Variants in PPP3CB observed in about 807,000 individuals in gnomAD.
PPP3CB encodes the protein protein phosphatase 3 catalytic subunit beta, also known as serine/threonine-protein phosphatase 2B catalytic subunit beta isoform.
A neutral mutation model predicts 66.4 loss-of-function variants in PPP3CB; 8 were observed. The ratio of observed to expected loss-of-function variants is 0.12; its 90% CI spans 0.07 to 0.22. The LOEUF is 0.22. Ranked by LOEUF, PPP3CB falls within the 10% of genes least tolerant of loss-of-function variation. The pLI, the probability that PPP3CB is intolerant of heterozygous loss-of-function variation, is 1.00. For missense variants in PPP3CB, 319 were observed against 642.5 expected (o/e 0.50, Z 5.44); for synonymous variants, 208 against 221.2 (o/e 0.94, Z 0.53).
At chr10:73,450,125 C>T (rs1391526709) in intron 10 of PPP3CB, among the ~76,000 whole-genome samples, 1 of 152,176 alleles carries the variant, frequency 6.6e-6, no homozygotes, top group Admixed American at 6.5e-5. Flanking sequence ...ACAAAAATTA[C>T]TTCTTCCTTC....
intron 10 of PPP3CB, among the ~76,000 whole-genome samples, chr10:73,452,178 A>G (rs879551280): frequency 2.0e-5 from 3 of 152,222 alleles, no homozygotes; most frequent in Non-Finnish European, 1.5e-5. Context: ...TCTAAAAAAA[A>G]GTAGGCTATG....
chr10:73,439,909 G>A lies in PPP3CB; in HGVS notation c.1367-8C>T, dbSNP rs1298348444. On this transcript the variant is annotated splice_polypyrimidine_tract_variant and splice_region_variant and intron_variant, in intron 12 of 13. Coordinates refer to ENST00000360663, the MANE Select transcript of PPP3CB (RefSeq NM_021132.4). ...CAATAGCCTCAACTGTGGCTGTACAGAAGTGAGCAGAGGCATGCAAAATGA... is the reference window on the plus strand; with the variant it reads ...CAATAGCCTCAACTGTGGCTGTACAAAAGTGAGCAGAGGCATGCAAAATGA... 1 of 1,613,042 alleles carries A rather than the reference G, an allele frequency of 6.2e-7. No homozygotes were observed. Among genetic ancestry groups the A allele is most frequent in the Non-Finnish European group, 8.5e-7 (1 of 1,179,104 alleles).
chr10:73,472,340 C>T (rs2056715071), intron 4 of PPP3CB, among the ~76,000 whole-genome samples: 1 of 151,910 alleles, frequency 6.6e-6, no homozygotes, highest in Non-Finnish European at 1.5e-5. Flanking sequence ...ACTAAAAATA[C>T]AAAAATTAGC....
At chr10:73,470,104 A>C (rs1461811441) in intron 8 of PPP3CB, among the ~76,000 whole-genome samples, 1 of 152,212 alleles carries the variant, frequency 6.6e-6, no homozygotes, top group African/African-American at 2.4e-5. Context: ...GGGAAATGAA[A>C]ATCTCTGGAA....
At position 73,467,681 on chromosome 10, in the gene PPP3CB, G is replaced by A; in HGVS notation, c.983-3C>T. On this transcript the variant is annotated splice_region_variant and splice_polypyrimidine_tract_variant and intron_variant, in intron 8 of 13. Coordinates refer to ENST00000360663, the MANE Select transcript of PPP3CB (RefSeq NM_021132.4). ...ATTTTCATACTTTAATACAGCAGCT[G>A]CAAGATAAGTTGAACATCAATAACT... is the stretch of plus-strand genomic sequence containing the variant. 2 of 1,541,790 alleles carry A rather than the reference G, an allele frequency of 1.3e-6. No individual in the cohort carries two copies. The highest frequency in any genetic ancestry group is 8.8e-7 in the Non-Finnish European group (1 of 1,137,014).
At chr10:73,486,615 T>G (rs1247840777) in intron 1 of PPP3CB, among the ~76,000 whole-genome samples, 1 of 152,102 alleles carries the variant, frequency 6.6e-6, no homozygotes, top group African/African-American at 2.4e-5. Flanking sequence ...TCTCTCTTCT[T>G]TAGCTCTACA....
intron 1 of PPP3CB, among the ~76,000 whole-genome samples, chr10:73,493,561 C>G (rs2057113106): frequency 6.6e-6 from 1 of 152,154 alleles, no homozygotes; most frequent in Non-Finnish European, 1.5e-5. Flanking sequence ...ATTTCTGGAT[C>G]TGTAAGAAAG....
Position 73,489,595 on chromosome 10 carries a change from T to C in PPP3CB, c.85+6210A>G, listed in dbSNP as rs539066962. On this transcript the variant is annotated intron_variant, in intron 1 of 13. Coordinates refer to ENST00000360663, the MANE Select transcript of PPP3CB (RefSeq NM_021132.4). Reference sequence around the variant, plus strand: ...AATTAAGGCTTGGAGATGTTAAGTATCTTGTCCATGGCAAGAAGGTTATTA... The same window carrying C: ...AATTAAGGCTTGGAGATGTTAAGTACCTTGTCCATGGCAAGAAGGTTATTA... 8.7e-4 allele frequency among the ~76,000 whole-genome samples: 132 copies of C among 152,286 alleles called. 1 individual carries two copies. Among genetic ancestry groups the C allele is most frequent in the Middle Eastern group, 6.8e-3 (2 of 294 alleles).
chr10:73,491,025 T>G (rs1159821040), intron 1 of PPP3CB, among the ~76,000 whole-genome samples: 1 of 98,518 alleles, frequency 1.0e-5, no homozygotes, highest in African/African-American at 6.0e-5. Context: ...TTTTATTGTT[T>G]TTTTTTTTTT....
chr10:73,454,396 A>C lies in PPP3CB; in HGVS notation c.1186+16T>G. 6.3e-7 allele frequency: 1 copy of C among 1,584,610 alleles called. No individual in the cohort carries two copies. The highest frequency in any genetic ancestry group is 1.1e-5 in the South Asian group (1 of 88,244). On this transcript the variant is annotated intron_variant, in intron 10 of 13. Transcript: ENST00000360663. ...TTTCACAGTAAAAAAAAAAATAGTA[A>C]GATGAATAATCATACCATCAAACTG...
intron 1 of PPP3CB, among the ~76,000 whole-genome samples, chr10:73,494,267 A>C (rs950080295): frequency 6.6e-6 from 1 of 151,576 alleles, no homozygotes; most frequent in South Asian, 2.1e-4. Flanking sequence ...GCCTAGGTGC[A>C]AATCAGTGTT....
chr10:73,457,275 A>G (rs1395515073), intron 9 of PPP3CB, among the ~76,000 whole-genome samples: 3 of 148,344 alleles, frequency 2.0e-5, no homozygotes, highest in African/African-American at 4.9e-5. Context: ...AAAAAAAAAA[A>G]AAAAAAAAAA....
chr10:73,469,402 G>T (rs1370066651), intron 8 of PPP3CB, among the ~76,000 whole-genome samples: 3 of 152,116 alleles, frequency 2.0e-5, no homozygotes, highest in African/African-American at 7.2e-5. Flanking sequence ...TTAGCTGGGC[G>T]AGGTGGCGGG....
intron 3 of PPP3CB, among the ~76,000 whole-genome samples, chr10:73,476,029 T>G (rs1013662022): frequency 1.2e-4 from 18 of 151,388 alleles, no homozygotes; most frequent in African/African-American, 4.4e-4. Flanking sequence ...GCTAAGTTTT[T>G]TTTTTTTTTT....
chr10:73,446,637 CTA>C, intron 10 of PPP3CB, 64 bp from the exon 11 acceptor site: 2 of 1,450,868 alleles, frequency 1.4e-6, no homozygotes, highest in Admixed American at 3.3e-5. Context: ...TTACAATATT[CTA>C]TTAGCCTGTT....
chr10:73,464,940 G>A (rs1251645741), intron 9 of PPP3CB, among the ~76,000 whole-genome samples: 1 of 144,790 alleles, frequency 6.9e-6, no homozygotes, highest in African/African-American at 2.6e-5. Context: ...GAATGAGACT[G>A]TGCCTCAAAA....
intron 1 of PPP3CB, among the ~76,000 whole-genome samples, chr10:73,484,591 T>G (rs576133057): frequency 6.3e-4 from 91 of 145,026 alleles, no homozygotes; most frequent in African/African-American, 1.9e-3. Flanking sequence ...TTTTCCAGAG[T>G]TTTTTTTTTT....
intron 9 of PPP3CB, among the ~76,000 whole-genome samples, chr10:73,457,688 A>G (rs1000411307): frequency 4.0e-5 from 6 of 151,630 alleles, no homozygotes; most frequent in Non-Finnish European, 7.4e-5. Context: ...CAGTGAGCCA[A>G]GATGGTACCA....
At position 73,437,470 on chromosome 10, in the gene PPP3CB, T is replaced by C. The variant is rs569142270; in HGVS notation, c.*772A>G. The C allele has an allele frequency of 1.3e-5, 2 of 152,784 alleles. No homozygotes were observed. The highest frequency in any genetic ancestry group is 1.9e-4 in the East Asian group (1 of 5,194). The allele number at this position is 152,784 out of a possible 1,614,324, so 9.5% of individuals were successfully genotyped here. On this transcript the variant is annotated 3_prime_UTR_variant, in exon 14 of 14. Transcript: ENST00000360663. ...TTTGAATTAAAATTTACTTTGACAA[T>C]GTACAAACTTCTTTTAAAGTACCTT...
Sources: gnomAD v4.1 joint callset for allele counts (sites outside exome capture counted in the v4.1 genomes callset) on GRCh38, gnomAD v4.1.1 for gene constraint, MANE v1.5 for transcripts, NCBI Gene and HGNC (gene_info 2026-07-23, HGNC 2026-07-21) for gene names.